The following CEP63 variants were observed in gnomAD, a reference collection of about 807,000 sequenced individuals.
The protein encoded by CEP63 is centrosomal protein 63, also known as centrosomal protein of 63 kDa.
In CEP63, 84 loss-of-function variants were observed where a neutral mutation model predicts 89.1. The ratio of observed to expected loss-of-function variants is 0.94; its 90% confidence interval spans 0.79 to 1.13. CEP63 has a LOEUF of 1.13. CEP63 is among the 50% of genes most tolerant of loss of function. The pLI is 0.00. For synonymous variants in CEP63, 267 were observed against 272.5 expected, an observed-to-expected ratio of 0.98 and a Z score of 0.20; for missense variants, 838 against 813.3, an observed-to-expected ratio of 1.03 and a Z score of -0.37.
chr3:134,560,205 T>C (rs552413187), intron 14 of CEP63, among the ~76,000 whole-genome samples: 16 of 152,352 alleles, frequency 1.1e-4, no homozygotes, highest in African/African-American at 3.6e-4. Flanking sequence ...CTTTCTCTAT[T>C]CCACTTAGTG....
the CEP63 span, among the ~76,000 whole-genome samples, chr3:134,669,982 TAA>T: frequency 6.6e-6 from 1 of 152,192 alleles, no homozygotes; most frequent in Non-Finnish European, 1.5e-5. Context: ...AGTGCCCTTT[TAA>T]AAGAGACCCT....
chr3:134,705,002 C>T, the CEP63 span, among the ~76,000 whole-genome samples: 1 of 152,192 alleles, frequency 6.6e-6, no homozygotes, highest in African/African-American at 2.4e-5. Flanking sequence ...CCAGAGTCTA[C>T]CTTCCTTTTT....
At chr3:134,703,579 A>G in the CEP63 span, among the ~76,000 whole-genome samples, 1 of 151,992 alleles carries the variant, frequency 6.6e-6, no homozygotes, top group South Asian at 2.1e-4. Context: ...GAGTGATGAG[A>G]TGCATGGACA....
the CEP63 span, among the ~76,000 whole-genome samples, chr3:134,680,462 A>G: frequency 6.6e-6 from 1 of 152,212 alleles, no homozygotes; most frequent in Admixed American, 6.5e-5. Flanking sequence ...AATTCTGTAC[A>G]ACCATGTGCA....
At chr3:134,673,431 G>T in the CEP63 span, among the ~76,000 whole-genome samples, 1 of 152,022 alleles carries the variant, frequency 6.6e-6, no homozygotes, top group South Asian at 2.1e-4. Flanking sequence ...GCAATGCGTG[G>T]TGCCTTCAGT....
At chr3:134,674,068 T>A in the CEP63 span, among the ~76,000 whole-genome samples, 2 of 152,194 alleles carry the variant, frequency 1.3e-5, no homozygotes, top group East Asian at 3.8e-4. Flanking sequence ...CCAATTTGGA[T>A]CAATGAGAAC....
the CEP63 span, chr3:134,779,934 C>G: frequency 1.3e-5 from 2 of 152,196 alleles, no homozygotes; most frequent in Non-Finnish European, 2.9e-5. Context: ...ATTATGTCAG[C>G]CTGTACTTAC....
the CEP63 span, chr3:134,607,432 CTGTGCTAATAGTCAGTG>C: frequency 1.2e-5 from 12 of 985,642 alleles, no homozygotes; most frequent in Non-Finnish European, 1.4e-5. Flanking sequence ...CACAGGCACC[CTGTGCTAATAGTCAGTG>C]TGAGCTCAGA....
intron 1 of CEP63, among the ~76,000 whole-genome samples, chr3:134,489,003 A>G (rs1303912738): frequency 1.3e-5 from 2 of 151,944 alleles, no homozygotes; most frequent in East Asian, 3.9e-4. Flanking sequence ...TAAAAATGAA[A>G]AATTAGCCGG....
At chr3:134,625,232 A>C in the CEP63 span, 3 of 893,182 alleles carry the variant, frequency 3.4e-6, no homozygotes, top group Non-Finnish European at 5.4e-6. Context: ...GTGACTGTCC[A>C]ACCTTTAACA....
At chr3:134,722,545 T>A in the CEP63 span, among the ~76,000 whole-genome samples, 1 of 152,140 alleles carries the variant, frequency 6.6e-6, no homozygotes, top group Admixed American at 6.6e-5. Context: ...CTATCCTTTC[T>A]TTCATTCATT....
chr3:134,716,283 A>G, the CEP63 span, among the ~76,000 whole-genome samples: 2 of 152,198 alleles, frequency 1.3e-5, no homozygotes, highest in African/African-American at 4.8e-5. Flanking sequence ...TCTTTAGGTT[A>G]GGGCTAGTGA....
chr3:134,700,162 A>AT, the CEP63 span, among the ~76,000 whole-genome samples: 1 of 152,088 alleles, frequency 6.6e-6, no homozygotes, highest in African/African-American at 2.4e-5. Context: ...GATTCTTCTG[A>AT]TTTTTTTCAC....
chr3:134,590,603 C>T (rs932250773), downstream of CEP63, among the ~76,000 whole-genome samples: 1 of 152,164 alleles, frequency 6.6e-6, no homozygotes, highest in Non-Finnish European at 1.5e-5. Flanking sequence ...AGCTCTCAGA[C>T]GTCCAAACAC....
chr3:134,658,990 T>C, the CEP63 span, among the ~76,000 whole-genome samples: 1 of 152,236 alleles, frequency 6.6e-6, no homozygotes, highest in Non-Finnish European at 1.5e-5. Flanking sequence ...TTCCATATTT[T>C]TCTGTCCAGA....
chr3:134,501,605 G>A (rs1942023895), intron 2 of CEP63, among the ~76,000 whole-genome samples: 1 of 151,794 alleles, frequency 6.6e-6, no homozygotes, highest in Admixed American at 6.6e-5. Context: ...AAATGGGATT[G>A]TGTTCTTGAT....
At chr3:134,547,233 C>G in intron 8 of CEP63, 102 bp from the exon 9 acceptor site, 1 of 1,086,280 alleles carries the variant, frequency 9.2e-7, no homozygotes, top group Non-Finnish European at 1.4e-6. Context: ...TTGAAGAGTT[C>G]CAAAGAGGTT....
Position 134,561,706 on chromosome 3 carries a change from C to T in CEP63, c.*171C>T, listed in dbSNP as rs915726789. On this transcript the variant is annotated 3_prime_UTR_variant, in exon 15 of 15. Coordinates refer to ENST00000675561, the MANE Select transcript of CEP63 (RefSeq NM_001353108.3). ...ATACTTTTGATAGGCATTTTCTCTGCACTGGTTTGTTTAAAGGACTTCTTC... is the reference window on the plus strand; with the variant it reads ...ATACTTTTGATAGGCATTTTCTCTGTACTGGTTTGTTTAAAGGACTTCTTC... 8.4e-6 allele frequency: 12 copies of T among 1,435,320 alleles called. No individual in the cohort carries two copies. The African/African-American group carries it at 1.0e-4, about 12-fold the overall frequency. The allele number at this position is 1,435,320 out of a possible 1,614,324, so 88.9% of individuals were successfully genotyped here. A position where few individuals can be genotyped will look rare whatever the true frequency, so the allele number is the denominator to read the frequency against.
At chr3:134,574,775 T>TTG in intron 11 of CEP63, 2 of 603,162 alleles carry the variant, frequency 3.3e-6, no homozygotes, top group Non-Finnish European at 3.0e-6. Context: ...GGCTAATTTT[T>TTG]TATATTTTTT....
Sources: gnomAD v4.1 joint callset for allele counts (sites outside exome capture counted in the v4.1 genomes callset) on GRCh38, gnomAD v4.1.1 for gene constraint, MANE v1.5 for transcripts, NCBI Gene and HGNC (gene_info 2026-07-23, HGNC 2026-07-21) for gene names.